The following SVOP variants were observed in gnomAD, a reference collection of about 807,000 sequenced individuals.
SVOP encodes the protein SV2 related protein, also known as synaptic vesicle 2-related protein.
In SVOP, 17 loss-of-function variants were observed where a neutral mutation model predicts 69.1. The ratio of observed to expected loss-of-function variants is 0.25; its 90% CI spans 0.17 to 0.37. The LOEUF (loss-of-function observed/expected upper bound fraction) is 0.37, where lower values mean the gene tolerates loss of function less well. Among genes scored for constraint, SVOP ranks in the 10% least tolerant of loss-of-function variants. SVOP has a pLI of 1.00. For synonymous variants in SVOP, 238 were observed against 238.6 expected (o/e 1.00, Z 0.02); for missense variants, 435 against 597.5 (o/e 0.73, Z 2.84).
At chr12:108,983,055 TCAC>T in intron 2 of SVOP, among the ~76,000 whole-genome samples, 1 of 150,844 alleles carries the variant, frequency 6.6e-6, no homozygotes, top group East Asian at 2.0e-4. Flanking sequence ...ACCACCATCA[TCAC>T]CATCACCATC....
chr12:108,975,304 T>C (rs1487790471), intron 4 of SVOP, among the ~76,000 whole-genome samples: 1 of 152,256 alleles, frequency 6.6e-6, no homozygotes, highest in East Asian at 1.9e-4. Flanking sequence ...TTGGGTACTT[T>C]ATGTCTCCAA....
At chr12:108,963,435 C>T (rs1007794967) in intron 5 of SVOP, among the ~76,000 whole-genome samples, 2 of 152,028 alleles carry the variant, frequency 1.3e-5, no homozygotes, top group Non-Finnish European at 2.9e-5. Flanking sequence ...ATGATTATGT[C>T]AAAGAGTCCG....
rs377634111 is a variant in SVOP, at chr12:108,945,090, C to T, written c.642+13G>A. 1.3e-6 allele frequency: 2 copies of T among 1,536,872 alleles called. No individual in the cohort carries two copies. Among genetic ancestry groups the T allele is most frequent in the South Asian group, 2.4e-5 (2 of 84,034 alleles). ...CCACATGCTCTAGAGACCCAGGCCGCTCTCCTCCTTACCTCAATCAGCAAA... is the reference window on the plus strand; with the variant it reads ...CCACATGCTCTAGAGACCCAGGCCGTTCTCCTCCTTACCTCAATCAGCAAA... On this transcript the variant is annotated intron_variant, in intron 7 of 15. Coordinates refer to ENST00000610966, the MANE Select transcript of SVOP (RefSeq NM_018711.5).
chr12:108,959,497 G>A (rs1481687074), intron 6 of SVOP, among the ~76,000 whole-genome samples: 1 of 152,030 alleles, frequency 6.6e-6, no homozygotes, highest in East Asian at 1.9e-4. Flanking sequence ...GGGACTACAG[G>A]TGCCCGCCAC....
At chr12:108,926,584 A>G (rs1341700742) in intron 11 of SVOP, 4 of 152,218 alleles carry the variant, frequency 2.6e-5, no homozygotes. Context: ...TTGTAGTTGT[A>G]CCTTTATAGG....
chr12:109,008,741 GA>G (rs1322623088), intron 1 of SVOP, among the ~76,000 whole-genome samples: 1 of 151,980 alleles, frequency 6.6e-6, no homozygotes, highest in Non-Finnish European at 1.5e-5. Context: ...GAGGCCTAAA[GA>G]AAAACAAGGA....
chr12:108,994,568 T>C (rs549045961), intron 1 of SVOP, among the ~76,000 whole-genome samples: 1 of 152,296 alleles, frequency 6.6e-6, no homozygotes, highest in African/African-American at 2.4e-5. Context: ...CAGTGCCTTA[T>C]GGATTATCTT....
At chr12:108,965,035 T>TA (rs1566058676) in intron 5 of SVOP, among the ~76,000 whole-genome samples, 1 of 152,232 alleles carries the variant, frequency 6.6e-6, no homozygotes, top group African/African-American at 2.4e-5. Context: ...AAGATACTGA[T>TA]ATATATTATT....
At chr12:108,994,121 G>A (rs898855164) in intron 1 of SVOP, among the ~76,000 whole-genome samples, 7 of 152,154 alleles carry the variant, frequency 4.6e-5, no homozygotes, top group South Asian at 2.1e-4. Context: ...TAAATGTCCC[G>A]TGCTGCCACC....
chr12:108,965,777 G>C (rs934592552), intron 5 of SVOP, among the ~76,000 whole-genome samples: 5 of 152,146 alleles, frequency 3.3e-5, no homozygotes, highest in African/African-American at 9.7e-5. Context: ...ACAGGTCGAG[G>C]AGGCCCAAGG....
intron 7 of SVOP, among the ~76,000 whole-genome samples, chr12:108,944,112 C>T (rs889905743): frequency 2.0e-5 from 3 of 152,024 alleles, no homozygotes; most frequent in Non-Finnish European, 1.5e-5. Flanking sequence ...AACCCCTGAC[C>T]TCAGGTGATC....
chr12:109,009,514 G>C (rs2040329347), intron 1 of SVOP, among the ~76,000 whole-genome samples: 1 of 152,034 alleles, frequency 6.6e-6, no homozygotes, highest in South Asian at 2.1e-4. Context: ...CTGGATTCAA[G>C]CGATTCTCCT....
Position 109,020,918 on chromosome 12 carries a change from G to T in SVOP, c.-50C>A, listed in dbSNP as rs1458237021. 4 of 708,458 alleles carry T rather than the reference G, an allele frequency of 5.6e-6. No individual in the cohort carries two copies. In the East Asian group the frequency reaches 8.3e-5, roughly 15 times the overall value. The allele number at this position is 708,458 out of a possible 1,614,324, so 43.9% of individuals were successfully genotyped here. A position where few individuals can be genotyped will look rare whatever the true frequency, so the allele number is the denominator to read the frequency against. On this transcript the variant is annotated 5_prime_UTR_variant, in exon 1 of 16. Coordinates refer to ENST00000610966, the MANE Select transcript of SVOP (RefSeq NM_018711.5). ...CTTCTCATGGCCCTTACATGGTAGT[G>T]GTGGATGACGAGCCCTCCGGTTTTC...
chr12:108,948,476 T>C (rs988152605), intron 6 of SVOP, among the ~76,000 whole-genome samples: 1 of 152,246 alleles, frequency 6.6e-6, no homozygotes, highest in Admixed American at 6.5e-5. Context: ...GAGAAGTTGT[T>C]ACTTGACCAG....
At chr12:108,962,671 A>G (rs1323373429) in intron 5 of SVOP, among the ~76,000 whole-genome samples, 1 of 152,188 alleles carries the variant, frequency 6.6e-6, no homozygotes, top group Non-Finnish European at 1.5e-5. Context: ...ACAATGCTTC[A>G]AGACAAACAT....
intron 8 of SVOP, among the ~76,000 whole-genome samples, chr12:108,939,528 G>C (rs372274541): frequency 5.3e-5 from 8 of 152,328 alleles, no homozygotes; most frequent in African/African-American, 1.7e-4. Context: ...TGGAGCAACA[G>C]CTGTTTGAAA....
intron 7 of SVOP, among the ~76,000 whole-genome samples, chr12:108,941,515 G>T (rs1301829396): frequency 6.6e-6 from 1 of 151,386 alleles, no homozygotes; most frequent in Non-Finnish European, 1.5e-5. Context: ...ATTTTTTATT[G>T]TGGTAAAATA....
intron 6 of SVOP, among the ~76,000 whole-genome samples, chr12:108,953,136 C>CTTTTTTTTT (rs36158603): frequency 3.1e-5 from 3 of 95,784 alleles, no homozygotes; most frequent in Non-Finnish European, 6.1e-5. Flanking sequence ...ATCTAATTGA[C>CTTTTTTTTT]TTTTTTTTTT....
chr12:108,945,265 G>A (rs1400798566), intron 6 of SVOP, 99 bp from the exon 7 acceptor site: 1 of 1,165,838 alleles, frequency 8.6e-7, no homozygotes, highest in African/African-American at 1.5e-5. Flanking sequence ...CTCCAAGGGT[G>A]GTCAGTGAAC....
Sources: gnomAD v4.1 joint callset for allele counts (sites outside exome capture counted in the v4.1 genomes callset) on GRCh38, gnomAD v4.1.1 for gene constraint, MANE v1.5 for transcripts, NCBI Gene and HGNC (gene_info 2026-07-23, HGNC 2026-07-21) for gene names.